The following BRD10 variants were observed in gnomAD, a reference collection of about 807,000 sequenced individuals.
BRD10 encodes the protein uncharacterized bromodomain-containing protein 10.
chr9:6,001,808 T>C, the BRD10 span, among the ~76,000 whole-genome samples: 568 of 152,330 alleles, frequency 3.7e-3, 1 homozygote, highest in Non-Finnish European at 6.1e-3. Flanking sequence ...CACACTATAA[T>C]ATAGCTCATC....
the BRD10 span, among the ~76,000 whole-genome samples, chr9:5,987,487 G>A: frequency 6.6e-6 from 1 of 151,838 alleles, no homozygotes; most frequent in Non-Finnish European, 1.5e-5. Context: ...AGTAGGAGTA[G>A]TTCTGTGAAG....
chr9:5,922,426 T>C, the BRD10 span: 4 of 1,614,036 alleles, frequency 2.5e-6, no homozygotes, highest in Non-Finnish European at 2.5e-6. Context: ...TTACAGAGGT[T>C]ACAGGCGACA....
chr9:5,924,858 G>T, the BRD10 span: 1 of 1,446,894 alleles, frequency 6.9e-7, no homozygotes, highest in South Asian at 1.7e-5. Context: ...GAAATAAAAT[G>T]CCCAACATAA....
At chr9:5,999,856 C>T in the BRD10 span, among the ~76,000 whole-genome samples, 9 of 152,082 alleles carry the variant, frequency 5.9e-5, no homozygotes, top group African/African-American at 2.2e-4. Flanking sequence ...TAAATATATG[C>T]TAAAAATAAT....
the BRD10 span, among the ~76,000 whole-genome samples, chr9:5,964,300 A>T: frequency 6.6e-6 from 1 of 150,756 alleles, no homozygotes. Context: ...AAAACACATG[A>T]AAAAATGCTC....
the BRD10 span, among the ~76,000 whole-genome samples, chr9:5,952,914 T>C: frequency 6.6e-6 from 1 of 152,190 alleles, no homozygotes; most frequent in South Asian, 2.1e-4. Flanking sequence ...CAAGGTTATA[T>C]AATATATAAA....
At chr9:5,886,491 A>G in the BRD10 span, among the ~76,000 whole-genome samples, 1 of 152,342 alleles carries the variant, frequency 6.6e-6, no homozygotes. Flanking sequence ...AGATGCTGCT[A>G]TTATCCCTTT....
the BRD10 span, chr9:6,007,604 C>T: frequency 2.5e-6 from 4 of 1,606,572 alleles, no homozygotes; most frequent in Non-Finnish European, 3.4e-6. Context: ...ATCACCATCG[C>T]CTCCATCTCT....
the BRD10 span, among the ~76,000 whole-genome samples, chr9:5,994,344 A>G: frequency 1.3e-5 from 2 of 152,194 alleles, no homozygotes; most frequent in African/African-American, 4.8e-5. Flanking sequence ...GAGAAGCCAG[A>G]TCATGAAAGT....
At chr9:5,909,667 T>C in the BRD10 span, 1 of 152,364 alleles carries the variant, frequency 6.6e-6, no homozygotes, top group East Asian at 1.9e-4. Flanking sequence ...CAGAAATTGG[T>C]AGAAGGATTT....
chr9:5,907,790 T>C, the BRD10 span, among the ~76,000 whole-genome samples: 1 of 152,066 alleles, frequency 6.6e-6, no homozygotes, highest in Non-Finnish European at 1.5e-5. Context: ...CTATCTTTAC[T>C]AAAAATACAA....
At chr9:6,007,421 C>A in the BRD10 span, 1 of 1,607,084 alleles carries the variant, frequency 6.2e-7, no homozygotes, top group East Asian at 2.2e-5. Flanking sequence ...CCGCCCCGGC[C>A]CCCGCTGCGC....
At chr9:6,008,055 G>C in the BRD10 span, 1 of 982,002 alleles carries the variant, frequency 1.0e-6, no homozygotes, top group Non-Finnish European at 1.2e-6. Flanking sequence ...GCGGCGGCGC[G>C]CGCACGGCCC....
chr9:5,942,642 G>T, the BRD10 span, among the ~76,000 whole-genome samples: 1 of 152,138 alleles, frequency 6.6e-6, no homozygotes, highest in South Asian at 2.1e-4. Context: ...TAAGGAGAAA[G>T]AGCTCTTATG....
At chr9:5,944,513 G>A in the BRD10 span, among the ~76,000 whole-genome samples, 1 of 151,952 alleles carries the variant, frequency 6.6e-6, no homozygotes, top group Non-Finnish European at 1.5e-5. Context: ...AAAATTTTAT[G>A]TTACTAAGCA....
chr9:6,007,493 C>A, the BRD10 span: 6 of 1,611,914 alleles, frequency 3.7e-6, no homozygotes, highest in African/African-American at 6.7e-5. Flanking sequence ...AGAAAGGGGG[C>A]GGTGAGGCCC....
the BRD10 span, chr9:6,007,650 A>G: frequency 6.2e-7 from 1 of 1,603,664 alleles, no homozygotes; most frequent in East Asian, 2.2e-5. Flanking sequence ...GCGAGGAGGC[A>G]CTCCTTCCGT....
At chr9:5,914,234 G>C in the BRD10 span, among the ~76,000 whole-genome samples, 1 of 152,024 alleles carries the variant, frequency 6.6e-6, no homozygotes, top group Non-Finnish European at 1.5e-5. Context: ...CACTAGGTTT[G>C]GTTCAGGTTT....
chr9:5,919,907 A>G, the BRD10 span: 1 of 1,613,986 alleles, frequency 6.2e-7, no homozygotes. Context: ...GCTACTTGGC[A>G]GTGGAGGATT....
Sources: allele counts gnomAD v4.1 joint callset (sites outside exome capture counted in the v4.1 genomes callset), GRCh38; gene constraint gnomAD v4.1.1; transcripts MANE v1.5; gene names NCBI Gene and HGNC (gene_info 2026-07-23, HGNC 2026-07-21).